The following PIK3R4 variants were observed in gnomAD, a reference collection of about 807,000 sequenced individuals.
PIK3R4 encodes the protein phosphoinositide 3-kinase regulatory subunit 4.
PIK3R4 carries 46 observed loss-of-function variants against 136.5 expected under a neutral mutation model. The ratio of observed to expected loss-of-function variants is 0.34; its 90% CI spans 0.27 to 0.43. The LOEUF is 0.43. Ranked by LOEUF, PIK3R4 falls within the 20% of genes least tolerant of loss-of-function variation. PIK3R4 has a pLI of 1.00. For synonymous variants in PIK3R4, 557 were observed against 566.7 expected (o/e 0.98, Z 0.24); for missense variants, 1,331 against 1,649.5 (o/e 0.81, Z 3.35).
Position 130,684,291 on chromosome 3 carries a change from C to T in PIK3R4, c.3566G>A (p.Arg1189His), listed in dbSNP as rs776446334. The T allele has an allele frequency of 3.7e-6, 6 of 1,613,230 alleles. No individual in the cohort carries two copies. The highest frequency in any genetic ancestry group is 1.6e-4 in the Middle Eastern group (1 of 6,082). The change falls in exon 16 of 20, where the codon CGC (arginine) becomes CAC (histidine). Residue 1189 changes from arginine (R) to histidine (H), a missense_variant. Physicochemically the swap from Arg to His is conservative, Grantham distance 29 (BLOSUM62 0). This residue lies in a region of PIK3R4 where 1,180 missense variants were observed against 1,407.0 expected (regional missense o/e 0.84). Coordinates refer to ENST00000356763, the MANE Select transcript of PIK3R4 (RefSeq NM_014602.3). The stretch of plus-strand genomic sequence containing the variant: ...CTGATACAGAGGGTGCATTGAGAGG[C>T]GTCTGATTCGAGCCCTGGAAGGATG... The part of the protein sequence containing the change: ...HCHPSRARIR[R>H]LSMHPLYQSW...
intron 2 of PIK3R4, among the ~76,000 whole-genome samples, chr3:130,737,553 G>C (rs996978455): frequency 6.6e-6 from 1 of 152,038 alleles, no homozygotes; most frequent in Non-Finnish European, 1.5e-5. Flanking sequence ...CCAGCTACTT[G>C]GGAGGCTGAG....
At chr3:130,712,178 T>G (rs1423935663) in intron 9 of PIK3R4, among the ~76,000 whole-genome samples, 2 of 152,178 alleles carry the variant, frequency 1.3e-5, no homozygotes, top group Non-Finnish European at 2.9e-5. Context: ...CTGGAACTAC[T>G]AACATATTTT....
intron 6 of PIK3R4, 63 bp downstream of exon 6, chr3:130,728,400 T>G: frequency 2.1e-6 from 2 of 957,486 alleles, no homozygotes; most frequent in South Asian, 1.7e-5. Context: ...TCCTTCAGAT[T>G]GCATGGAAGT....
intron 7 of PIK3R4, among the ~76,000 whole-genome samples, chr3:130,719,248 C>T (rs531267038): frequency 6.6e-6 from 1 of 152,144 alleles, no homozygotes; most frequent in East Asian, 1.9e-4. Context: ...TTCAACTAAT[C>T]GACATTAGAC....
chr3:130,684,578 A>C (rs1237546903), intron 15 of PIK3R4, among the ~76,000 whole-genome samples, 197 bp from the exon 16 acceptor site: 1 of 152,234 alleles, frequency 6.6e-6, no homozygotes, highest in Non-Finnish European at 1.5e-5. Context: ...AATAACTGAG[A>C]TATAAAGTGC....
At chr3:130,742,593 T>G (rs181689037) in intron 2 of PIK3R4, among the ~76,000 whole-genome samples, 3 of 152,360 alleles carry the variant, frequency 2.0e-5, no homozygotes, top group South Asian at 4.1e-4. Context: ...AGTATTATCT[T>G]GGGACACAGA....
At chr3:130,718,880 C>T (rs1351864883) in intron 7 of PIK3R4, among the ~76,000 whole-genome samples, 1 of 152,120 alleles carries the variant, frequency 6.6e-6, no homozygotes, top group Non-Finnish European at 1.5e-5. Flanking sequence ...TAACAAGTCC[C>T]AACAGCATAT....
In PIK3R4 at chr3:130,730,298, AT is replaced by A. The variant is rs1347879361; in HGVS notation, c.1585+9del. The A allele has an allele frequency of 6.3e-7, 1 of 1,579,080 alleles. No individual in the cohort carries two copies. On this transcript the variant is annotated intron_variant, in intron 5 of 19. Coordinates refer to ENST00000356763, the MANE Select transcript of PIK3R4 (RefSeq NM_014602.3). ...AATAACAGGAAATCTGGAAGAGAAA[AT>A]TATACAACCTGTGTCATAATTTCCA...
chr3:130,684,493 C>T, intron 15 of PIK3R4, 112 bp from the exon 16 acceptor site: 1 of 962,214 alleles, frequency 1.0e-6, no homozygotes, highest in Admixed American at 2.7e-5. Flanking sequence ...TGAAAAATGC[C>T]TTCGTTACTT....
At chr3:130,723,105 TAAAA>T (rs2066712123) in intron 7 of PIK3R4, among the ~76,000 whole-genome samples, 1 of 89,486 alleles carries the variant, frequency 1.1e-5, no homozygotes, top group East Asian at 3.1e-4. Flanking sequence ...AAATTAAAAA[TAAAA>T]AAAAGAAAGC....
chr3:130,716,278 T>C, intron 9 of PIK3R4, 118 bp downstream of exon 9: 1 of 751,214 alleles, frequency 1.3e-6, no homozygotes, highest in South Asian at 1.8e-5. Context: ...CCAGATTTAC[T>C]TACTCATTTT....
chr3:130,744,075 T>A (rs936432586), intron 2 of PIK3R4, among the ~76,000 whole-genome samples: 1 of 152,232 alleles, frequency 6.6e-6, no homozygotes, highest in Admixed American at 6.5e-5. Context: ...CCATGAGGAC[T>A]AATTTAAATA....
intron 9 of PIK3R4, 76 bp from the exon 10 acceptor site, chr3:130,708,568 T>A: frequency 7.9e-7 from 1 of 1,273,038 alleles, no homozygotes; most frequent in Non-Finnish European, 1.1e-6. Context: ...GACTAACAAC[T>A]GAAGGGACAA....
chr3:130,723,359 G>C (rs2066713633), intron 7 of PIK3R4, 55 bp downstream of exon 7: 4 of 1,472,440 alleles, frequency 2.7e-6, no homozygotes, highest in Non-Finnish European at 3.7e-6. Context: ...ATATTACCTA[G>C]AAATTTTATA....
chr3:130,696,518 C>T (rs551430036), intron 13 of PIK3R4, among the ~76,000 whole-genome samples: 1 of 152,188 alleles, frequency 6.6e-6, no homozygotes, highest in East Asian at 1.9e-4. Context: ...GGGTATTTAG[C>T]CATATGTTGT....
At chr3:130,743,007 AG>A (rs1393986532) in intron 2 of PIK3R4, among the ~76,000 whole-genome samples, 9 of 152,192 alleles carry the variant, frequency 5.9e-5, no homozygotes, top group Non-Finnish European at 1.2e-4. Flanking sequence ...TATCCAAAAA[AG>A]CTTCAGAATC....
intron 19 of PIK3R4, among the ~76,000 whole-genome samples, chr3:130,679,985 A>G (rs1316016276): frequency 6.8e-6 from 1 of 147,110 alleles, no homozygotes; most frequent in Non-Finnish European, 1.5e-5. Context: ...CTGAGGCAGG[A>G]GAATCGCTTA....
At chr3:130,708,561 TAAC>T in intron 9 of PIK3R4, 69 bp from the exon 10 acceptor site, 1 of 1,365,096 alleles carries the variant, frequency 7.3e-7, no homozygotes, top group Non-Finnish European at 1.0e-6. Context: ...TCAGAATGAC[TAAC>T]AACTGAAGGG....
intron 13 of PIK3R4, among the ~76,000 whole-genome samples, chr3:130,695,371 T>G (rs753695901): frequency 6.6e-6 from 1 of 152,148 alleles, no homozygotes; most frequent in Non-Finnish European, 1.5e-5. Flanking sequence ...ACAGTTTCAC[T>G]TTCCCTAGTT....
Sources: gnomAD v4.1 joint callset for allele counts (sites outside exome capture counted in the v4.1 genomes callset) on GRCh38, gnomAD v4.1.1 for gene constraint, gnomAD v4.1.1 regional missense constraint, MANE v1.5 for transcripts, NCBI Gene and HGNC (gene_info 2026-07-23, HGNC 2026-07-21) for gene names.